GLI3: variants seen among roughly 807,000 people sequenced by gnomAD.
The protein encoded by GLI3 is transcription activator GLI3.
In GLI3, 20 loss-of-function variants were observed where a neutral mutation model predicts 100.8. That is an observed-to-expected ratio of 0.20 (90% confidence interval 0.14 to 0.29). GLI3 has a LOEUF of 0.29. Ranked by LOEUF, GLI3 falls within the 10% of genes least tolerant of loss-of-function variation. The pLI, the probability that GLI3 is intolerant of heterozygous loss-of-function variation, is 1.00. For synonymous variants in GLI3, 938 were observed against 860.5 expected (o/e 1.09, Z -1.58); for missense variants, 2,040 against 2,128.5 (o/e 0.96, Z 0.82).
At chr7:42,074,465 A>C (rs1160792857) in intron 4 of GLI3, among the ~76,000 whole-genome samples, 1 of 152,214 alleles carries the variant, frequency 6.6e-6, no homozygotes, top group Non-Finnish European at 1.5e-5. Context: ...ACAATAAATC[A>C]CCAAGCAAGA....
intron 10 of GLI3, among the ~76,000 whole-genome samples, chr7:42,013,263 A>G (rs999896003): frequency 5.3e-5 from 8 of 152,158 alleles, no homozygotes; most frequent in Admixed American, 3.9e-4. Context: ...TTGAATATTC[A>G]TTCTCTGTAT....
chr7:42,166,088 A>C (rs1036604883), intron 2 of GLI3, among the ~76,000 whole-genome samples: 1 of 152,106 alleles, frequency 6.6e-6, no homozygotes, highest in Non-Finnish European at 1.5e-5. Flanking sequence ...ACCAACTCCA[A>C]ACTGCCCAGC....
intron 2 of GLI3, among the ~76,000 whole-genome samples, chr7:42,199,657 G>A (rs570641996): frequency 1.3e-5 from 2 of 152,186 alleles, no homozygotes; most frequent in African/African-American, 4.8e-5. Flanking sequence ...CTAATAGCTG[G>A]ACAACATGGT....
chr7:42,121,279 A>G (rs1008076141), intron 3 of GLI3, among the ~76,000 whole-genome samples: 1 of 152,210 alleles, frequency 6.6e-6, no homozygotes, highest in Non-Finnish European at 1.5e-5. Context: ...GTCCCAGCCC[A>G]AGAGTTTCTG....
chr7:42,122,235 G>A (rs1786019936), intron 3 of GLI3, among the ~76,000 whole-genome samples: 1 of 132,056 alleles, frequency 7.6e-6, no homozygotes, highest in African/African-American at 3.0e-5. Context: ...TTATATATAT[G>A]TATTTTATTG....
chr7:41,962,807 A>C lies in GLI3; in HGVS notation c.*1523T>G, dbSNP rs1246683612. The C allele has an allele frequency of 6.6e-6, 1 of 152,222 alleles. No homozygotes were observed. The highest frequency in any genetic ancestry group is 2.4e-5 in the African/African-American group (1 of 41,464). 9.4% of individuals were successfully genotyped at this position (152,222 alleles called of 1,614,324 possible). A position where few individuals can be genotyped will look rare whatever the true frequency, so the allele number is the denominator to read the frequency against. The stretch of plus-strand genomic sequence containing the variant: ...CATAATTGAATTATCAATCACTTGC[A>C]GTAAATCCAATTCCAGGGGTCAATG... On this transcript the variant is annotated 3_prime_UTR_variant, in exon 15 of 15. Transcript: ENST00000395925.
At chr7:42,156,627 T>G (rs1175166567) in intron 2 of GLI3, among the ~76,000 whole-genome samples, 1 of 152,098 alleles carries the variant, frequency 6.6e-6, no homozygotes, top group Non-Finnish European at 1.5e-5. Flanking sequence ...AAGGCCAGAG[T>G]GTCCAGGTTG....
At chr7:42,040,906 G>A (rs1235999258) in intron 6 of GLI3, among the ~76,000 whole-genome samples, 2 of 152,120 alleles carry the variant, frequency 1.3e-5, no homozygotes, top group Non-Finnish European at 2.9e-5. Flanking sequence ...GGAATCTAGA[G>A]GGTAGAGTCT....
intron 2 of GLI3, among the ~76,000 whole-genome samples, chr7:42,180,512 T>G (rs1041644720): frequency 3.3e-5 from 5 of 152,126 alleles, no homozygotes; most frequent in African/African-American, 1.2e-4. Flanking sequence ...GATGGAGCAA[T>G]CCAGCAGAAA....
In GLI3 at chr7:41,966,116, C is replaced by T. The variant is rs909796647; in HGVS notation, c.2957G>A (p.Gly986Asp). The change falls in exon 15 of 15, where the codon GGC becomes GAC. Residue 986 changes from glycine (G) to aspartate (D), a missense_variant. By Grantham distance (94) the Gly-to-Asp change is moderately conservative. Around this residue, in one of 5 missense-constraint regions of GLI3, gnomAD observed 1,041 missense variants for 924.0 expected, o/e 1.13. Transcript: ENST00000395925. This position sits in a 1 kb window ranked among gnomAD's most constrained non-coding sequence, Gnocchi z 5.8. ...PRRCSDGGAHGYGRRHLQPHD... is the reference protein window; with the variant it reads ...PRRCSDGGAHDYGRRHLQPHD... Reference sequence around the variant, plus strand: ...CGGCTGCAGGTGGCGCCGCCCGTAGCCGTGGGCTCCCCCGTCGCTGCACCT... The same window carrying T: ...CGGCTGCAGGTGGCGCCGCCCGTAGTCGTGGGCTCCCCCGTCGCTGCACCT... 14 of 1,578,442 alleles carry T rather than the reference C, an allele frequency of 8.9e-6. No homozygotes were observed. In the African/African-American group the frequency reaches 1.9e-4, roughly 21 times the overall value.
intron 4 of GLI3, among the ~76,000 whole-genome samples, chr7:42,050,542 T>C (rs1234001005): frequency 6.6e-6 from 1 of 152,244 alleles, no homozygotes; most frequent in Non-Finnish European, 1.5e-5. Context: ...GGGGATGCTC[T>C]AATTCATTCA....
chr7:42,250,099 AC>A (rs200554780), intron 1 of GLI3, among the ~76,000 whole-genome samples: 4,886 of 123,596 alleles, frequency 0.04, 238 homozygotes, highest in African/African-American at 0.11. Flanking sequence ...TGTCTCAACA[AC>A]AAAAAAAAAG....
intron 3 of GLI3, among the ~76,000 whole-genome samples, chr7:42,142,864 G>A (rs527485325): frequency 6.0e-5 from 9 of 150,354 alleles, no homozygotes; most frequent in East Asian, 5.9e-4. Context: ...ACATGAACCC[G>A]GGAGGCGGAG....
chr7:42,181,706 G>A (rs3779173), intron 2 of GLI3, among the ~76,000 whole-genome samples: 15,401 of 152,136 alleles, frequency 0.1, 907 homozygotes, highest in South Asian at 0.21. Context: ...CTGTGATTTC[G>A]AGGTGTAATA....
At chr7:42,136,279 T>G (rs1786426769) in intron 3 of GLI3, among the ~76,000 whole-genome samples, 1 of 152,246 alleles carries the variant, frequency 6.6e-6, no homozygotes, top group African/African-American at 2.4e-5. Context: ...AAGGACAACG[T>G]TTTATAAGAC....
chr7:42,076,948 T>C lies in GLI3; in HGVS notation c.368-91A>G, dbSNP rs1784890698. Reference sequence around the variant, plus strand: ...AGCAACATTGCTATACTATTGTATCTTCACTACCTACACTTAATCTAAGAA... The same window carrying C: ...AGCAACATTGCTATACTATTGTATCCTCACTACCTACACTTAATCTAAGAA... On this transcript the variant is annotated intron_variant, in intron 3 of 14. Coordinates refer to ENST00000395925, the MANE Select transcript of GLI3 (RefSeq NM_000168.6). The C allele has an allele frequency of 3.8e-6, 3 of 780,710 alleles. No individual in the cohort carries two copies. In the East Asian group the frequency reaches 7.7e-5, roughly 20 times the overall value. The allele number at this position is 780,710 out of a possible 1,614,324, so 48.4% of individuals were successfully genotyped here.
At chr7:42,255,761 T>G (rs1250268132) in intron 1 of GLI3, among the ~76,000 whole-genome samples, 1 of 152,208 alleles carries the variant, frequency 6.6e-6, no homozygotes, top group Non-Finnish European at 1.5e-5. Flanking sequence ...TGAATAATGC[T>G]TCGATGGACA....
chr7:42,029,886 C>G (rs1789236917), intron 7 of GLI3, among the ~76,000 whole-genome samples: 1 of 152,158 alleles, frequency 6.6e-6, no homozygotes, highest in Non-Finnish European at 1.5e-5. Context: ...GTCTCTCTGT[C>G]TAGGAGGCAA....
At chr7:42,001,143 G>C (rs1342483456) in intron 10 of GLI3, among the ~76,000 whole-genome samples, 5 of 150,266 alleles carry the variant, frequency 3.3e-5, no homozygotes, top group South Asian at 2.1e-4. Flanking sequence ...TACGCAGGAG[G>C]CTGAGGCAGG....
Sources: gnomAD v4.1 joint callset for allele counts (sites outside exome capture counted in the v4.1 genomes callset) on GRCh38, gnomAD v4.1.1 for gene constraint, gnomAD v4.1.1 regional missense constraint, Gnocchi (gnomAD v3.1) non-coding constraint, MANE v1.5 for transcripts, NCBI Gene and HGNC (gene_info 2026-07-23, HGNC 2026-07-21) for gene names.